Variants in CD109 observed in about 807,000 individuals in gnomAD.
CD109 encodes CD109 molecule.
Under a neutral mutation model 165.8 loss-of-function variants are expected in CD109, and 149 were observed. That is an observed-to-expected ratio of 0.90 (90% CI 0.79 to 1.03). CD109 has a LOEUF of 1.03. Among genes scored for constraint, CD109 ranks in the 50% least tolerant of loss-of-function variants. CD109 has a pLI of 0.00. For missense variants in CD109, 1,712 were observed against 1,677.8 expected (o/e 1.02, Z -0.36); for synonymous variants, 585 against 592.1 (o/e 0.99, Z 0.18).
At chr6:73,791,134 T>TACACACAC (rs573195220) in intron 22 of CD109, among the ~76,000 whole-genome samples, 5,569 of 76,786 alleles carry the variant, frequency 0.073, 651 homozygotes, top group African/African-American at 0.15. Flanking sequence ...TATACATACA[T>TACACACAC]ACATATATAT....
At chr6:73,694,744 C>G (rs1770762733), upstream of CD109, 1 of 152,232 alleles carries the variant, frequency 6.6e-6, no homozygotes, top group Non-Finnish European at 1.5e-5. Flanking sequence ...ATGTGAGAAG[C>G]ACTGAGTTAG....
intron 3 of CD109, among the ~76,000 whole-genome samples, chr6:73,726,695 G>A (rs1772152883): frequency 1.3e-5 from 2 of 152,178 alleles, no homozygotes; most frequent in South Asian, 4.1e-4. Flanking sequence ...ATGTATCCTA[G>A]GCAGAGAGCT....
At chr6:73,685,297 A>G in the CD109 span, among the ~76,000 whole-genome samples, 9 of 152,058 alleles carry the variant, frequency 5.9e-5, no homozygotes, top group Middle Eastern at 3.2e-3. Context: ...AACTAGATAT[A>G]TGGTTTGCAA....
chr6:73,708,393 T>G (rs1771385677), intron 2 of CD109, among the ~76,000 whole-genome samples: 1 of 152,230 alleles, frequency 6.6e-6, no homozygotes, highest in South Asian at 2.1e-4. Context: ...TAATCCAGTC[T>G]GTTGTTGTTG....
rs573776080 is a variant in CD109 at position 73,728,389 on chromosome 6, A to G, written c.277-1955A>G. Among the ~76,000 whole-genome samples the G allele has an allele frequency of 2.6e-5, 4 of 152,334 alleles. No homozygotes were observed. The South Asian group carries it at 8.3e-4, about 32-fold the overall frequency. On this transcript the variant is annotated intron_variant, in intron 3 of 32. Transcript: ENST00000287097. Reference sequence around the variant, plus strand: ...ACACCAGAAGTCATTTGAAGGTGACATACTGATTGTTTTTCCTAACATTTT... The same window carrying G: ...ACACCAGAAGTCATTTGAAGGTGACGTACTGATTGTTTTTCCTAACATTTT...
intron 2 of CD109, among the ~76,000 whole-genome samples, chr6:73,719,496 G>A (rs1771866094): frequency 6.6e-6 from 1 of 152,080 alleles, no homozygotes; most frequent in Non-Finnish European, 1.5e-5. Flanking sequence ...CTTTCACTCA[G>A]TCATATATTT....
chr6:73,749,093 T>C (rs991019699), intron 5 of CD109, among the ~76,000 whole-genome samples: 5 of 152,176 alleles, frequency 3.3e-5, no homozygotes, highest in Non-Finnish European at 7.3e-5. Flanking sequence ...TTTTGTGTTG[T>C]ATGCGAGGGT....
At chr6:73,723,203 C>T (rs1427068371) in intron 2 of CD109, 48 bp from the exon 3 acceptor site, 1 of 1,609,936 alleles carries the variant, frequency 6.2e-7, no homozygotes, top group Non-Finnish European at 8.5e-7. Context: ...ATTCTATCAT[C>T]ATATTCAAAT....
chr6:73,820,405 C>T, intron 31 of CD109, 56 bp from the exon 32 acceptor site: 1 of 913,860 alleles, frequency 1.1e-6, no homozygotes, highest in Non-Finnish European at 1.7e-6. Context: ...AATGTCTTTA[C>T]TTAATCATGA....
intron 15 of CD109, among the ~76,000 whole-genome samples, chr6:73,773,597 G>T (rs189990454): frequency 1.3e-5 from 2 of 152,176 alleles, no homozygotes; most frequent in East Asian, 1.9e-4. Context: ...GTTACAAACT[G>T]TACCCATATT....
intron 29 of CD109, among the ~76,000 whole-genome samples, chr6:73,812,867 C>A (rs1367478106): frequency 6.6e-6 from 1 of 151,910 alleles, no homozygotes; most frequent in Non-Finnish European, 1.5e-5. Flanking sequence ...CTCATTAGAA[C>A]CCAAAGATAA....
At chr6:73,694,725 C>G (rs1770762276), upstream of CD109, 1 of 152,246 alleles carries the variant, frequency 6.6e-6, no homozygotes. Flanking sequence ...GATTCTCACA[C>G]ACATTGGCAT....
chr6:73,753,959 G>A (rs1582105142), intron 5 of CD109, among the ~76,000 whole-genome samples: 1 of 152,254 alleles, frequency 6.6e-6, no homozygotes, highest in Admixed American at 6.5e-5. Flanking sequence ...TAGGTTCTGT[G>A]CTCTCAAGGA....
chr6:73,783,671 G>A (rs1774584919), intron 18 of CD109, 36 bp from the exon 19 acceptor site: 1 of 1,220,600 alleles, frequency 8.2e-7, no homozygotes, highest in Non-Finnish European at 1.2e-6. Flanking sequence ...TCAGTTCTTG[G>A]TTTTGTGATG....
At chr6:73,780,733 C>T (rs1190510743) in intron 16 of CD109, among the ~76,000 whole-genome samples, 2 of 117,864 alleles carry the variant, frequency 1.7e-5, no homozygotes, top group Non-Finnish European at 3.5e-5. Context: ...ATAATTTTTC[C>T]TTTATGTATA....
At chr6:73,682,708 G>A in the CD109 span, among the ~76,000 whole-genome samples, 1 of 152,238 alleles carries the variant, frequency 6.6e-6, no homozygotes, top group Admixed American at 6.5e-5. Flanking sequence ...TCTCCATGAG[G>A]ACACTACCCC....
chr6:73,694,825 A>C (rs563738624), upstream of CD109: 3 of 152,432 alleles, frequency 2.0e-5, no homozygotes, highest in East Asian at 5.8e-4. Context: ...GACCAGTAGT[A>C]ACAGCTGTGT....
chr6:73,762,259 C>T, intron 7 of CD109, 125 bp from the exon 8 acceptor site: 1 of 678,246 alleles, frequency 1.5e-6, no homozygotes, highest in South Asian at 2.0e-5. Flanking sequence ...CCGCTCCCAG[C>T]CCAATGTAAT....
chr6:73,744,924 T>G (rs1772924075), intron 5 of CD109, among the ~76,000 whole-genome samples: 1 of 152,112 alleles, frequency 6.6e-6, no homozygotes, highest in Admixed American at 6.5e-5. Context: ...CTATAGATGA[T>G]CTTAGAGGTC....
Sources: allele counts gnomAD v4.1 joint callset (sites outside exome capture counted in the v4.1 genomes callset), GRCh38; gene constraint gnomAD v4.1.1; transcripts MANE v1.5; gene names NCBI Gene and HGNC (gene_info 2026-07-23, HGNC 2026-07-21).